CASP5: variants seen among roughly 807,000 people sequenced by gnomAD.
CASP5 encodes the protein caspase 5.
CASP5 carries 42 observed loss-of-function variants against 45.2 expected under a neutral mutation model. That is an observed-to-expected ratio of 0.93 (90% confidence interval 0.73 to 1.20). The LOEUF (loss-of-function observed/expected upper bound fraction) is 1.20, where lower values mean the gene tolerates loss of function less well. CASP5 is among the 50% of genes most tolerant of loss of function. The pLI is 0.00. For missense variants in CASP5, 512 were observed against 532.2 expected (o/e 0.96, Z 0.37); for synonymous variants, 209 against 186.2 (o/e 1.12, Z -1.00).
chr11:105,019,504 A>G (rs375199110), intron 1 of CASP5, among the ~76,000 whole-genome samples: 19,534 of 146,132 alleles, frequency 0.13, 1,567 homozygotes, highest in Admixed American at 0.21. Context: ...AATACAAACT[A>G]CCATCAGAGA....
Position 104,997,372 on chromosome 11 carries a change from TG to T in CASP5, c.1206+10del. 1 of 1,530,776 alleles carries T rather than the reference TG, an allele frequency of 6.5e-7. No individual in the cohort carries two copies. Among genetic ancestry groups the T allele is most frequent in the Non-Finnish European group, 9.1e-7 (1 of 1,104,438 alleles). 94.8% of individuals were successfully genotyped at this position (1,530,776 alleles called of 1,614,324 possible). The stretch of plus-strand genomic sequence containing the variant: ...ATAAGTAAATGACTAGAAAAGGAAA[TG>T]GAAGCTTACCTTCCGAAATATTTCC... On this transcript the variant is annotated intron_variant, in intron 8 of 9. Transcript: ENST00000260315.
intron 1 of CASP5, among the ~76,000 whole-genome samples, chr11:105,015,425 G>T (rs1157251078): frequency 6.6e-6 from 1 of 152,118 alleles, no homozygotes; most frequent in African/African-American, 2.4e-5. Context: ...TAATAAAAAC[G>T]AATGGAATAA....
intron 1 of CASP5, among the ~76,000 whole-genome samples, chr11:105,013,049 T>C (rs1862429491): frequency 6.6e-6 from 1 of 151,942 alleles, no homozygotes; most frequent in Non-Finnish European, 1.5e-5. Context: ...GATGAATGGA[T>C]GGAGAAAGTA....
At chr11:105,020,048 AC>A (rs1310322259) in intron 1 of CASP5, among the ~76,000 whole-genome samples, 1 of 145,748 alleles carries the variant, frequency 6.9e-6, no homozygotes, top group African/African-American at 2.5e-5. Flanking sequence ...AGAACCAAAG[AC>A]AAAAACCACG....
chr11:104,999,963 T>C (rs780212240), intron 6 of CASP5, among the ~76,000 whole-genome samples: 1 of 152,236 alleles, frequency 6.6e-6, no homozygotes, highest in South Asian at 2.1e-4. Flanking sequence ...CAAGCTATCA[T>C]GTAAATGATT....
At chr11:105,000,055 C>T (rs1422042185) in intron 6 of CASP5, among the ~76,000 whole-genome samples, 3 of 152,242 alleles carry the variant, frequency 2.0e-5, no homozygotes, top group Non-Finnish European at 4.4e-5. Flanking sequence ...TCACCACTAT[C>T]ACCGTGGATA....
At chr11:105,000,153 T>C (rs1462642204) in intron 6 of CASP5, 108 bp downstream of exon 6, 8 of 1,148,650 alleles carry the variant, frequency 7.0e-6, no homozygotes, top group Non-Finnish European at 1.0e-5. Flanking sequence ...CAATGTACTT[T>C]ATTTGCACTG....
At chr11:105,017,395 T>A (rs1862680086) in intron 1 of CASP5, among the ~76,000 whole-genome samples, 1 of 151,976 alleles carries the variant, frequency 6.6e-6, no homozygotes, top group South Asian at 2.1e-4. Context: ...GGCAAAGAAG[T>A]TGAAAACCTT....
intron 1 of CASP5, among the ~76,000 whole-genome samples, chr11:105,020,058 C>G (rs533299022): frequency 3.4e-5 from 5 of 145,550 alleles, no homozygotes; most frequent in Admixed American, 7.3e-5. Context: ...ACAAAAACCA[C>G]GTGATTATCT....
chr11:105,009,716 CACACATAT>C (rs1862177933), intron 1 of CASP5, among the ~76,000 whole-genome samples: 2 of 48,078 alleles, frequency 4.2e-5, no homozygotes, highest in Non-Finnish European at 7.5e-5. Flanking sequence ...TATATATATA[CACACATAT>C]ATATATATAT....
chr11:105,002,237 C>G (rs542958379), intron 4 of CASP5, 36 bp from the exon 5 acceptor site: 1 of 1,606,008 alleles, frequency 6.2e-7, no homozygotes, highest in East Asian at 2.2e-5. Flanking sequence ...TTTGATTACC[C>G]GAGTCTCTTT....
intron 1 of CASP5, among the ~76,000 whole-genome samples, chr11:105,012,515 A>C (rs1022631018): frequency 6.6e-6 from 1 of 151,952 alleles, no homozygotes; most frequent in Non-Finnish European, 1.5e-5. Flanking sequence ...AAATATTTGA[A>C]TCCATATGTC....
intron 1 of CASP5, among the ~76,000 whole-genome samples, chr11:105,010,391 G>A (rs939142476): frequency 1.8e-4 from 23 of 130,652 alleles, no homozygotes; most frequent in African/African-American, 6.5e-4. Flanking sequence ...TTATTATAAT[G>A]ATTTAATCAG....
At chr11:105,010,018 G>C (rs1862258579) in intron 1 of CASP5, among the ~76,000 whole-genome samples, 1 of 149,976 alleles carries the variant, frequency 6.7e-6, no homozygotes, top group East Asian at 1.9e-4. Context: ...ATGTGGAAAA[G>C]CCAGATATCT....
Position 105,000,424 on chromosome 11 carries a change from T to C in CASP5, c.789A>G (p.Val263=), listed in dbSNP as rs759124414. 3 of 1,614,152 alleles carry C rather than the reference T, an allele frequency of 1.9e-6. No homozygotes were observed. The highest frequency in any genetic ancestry group is 1.7e-5 in the Admixed American group (1 of 60,026). Residue 263 remains valine (V), a synonymous_variant, in exon 6 of 10, where the codon GTA becomes GTG. Coordinates refer to ENST00000260315, the MANE Select transcript of CASP5 (RefSeq NM_004347.5). ...CCTCTAGGATGCCATGAGACATGAG[T>C]ACCAAGAACGTGCTGTCAGAGGACT... The part of the protein sequence containing the change: ...EHKSSDSTFL[V]LMSHGILEGI...
chr11:104,996,109 C>T (rs1050652348), intron 8 of CASP5, among the ~76,000 whole-genome samples: 1 of 152,158 alleles, frequency 6.6e-6, no homozygotes, highest in South Asian at 2.1e-4. Context: ...TTTTGACCTA[C>T]GGATGTGGAA....
chr11:104,998,765 T>C (rs1222551351), intron 7 of CASP5, 120 bp downstream of exon 7: 1 of 939,416 alleles, frequency 1.1e-6, no homozygotes, highest in Non-Finnish European at 1.6e-6. Flanking sequence ...GCAAAATATA[T>C]AGAGAGCACA....
chr11:105,003,247 C>T (rs1366913537), intron 4 of CASP5, 27 bp downstream of exon 4: 1 of 1,287,568 alleles, frequency 7.8e-7, no homozygotes, highest in Non-Finnish European at 1.1e-6. Context: ...CTCTCTTCTT[C>T]CCCATTTCAT....
chr11:105,009,928 T>TACAC (rs111284189), intron 1 of CASP5, among the ~76,000 whole-genome samples: 36 of 138,462 alleles, frequency 2.6e-4, no homozygotes, highest in South Asian at 6.6e-4. Flanking sequence ...TATACACACA[T>TACAC]ACACACACAC....
Sources: gnomAD v4.1 joint callset for allele counts (sites outside exome capture counted in the v4.1 genomes callset) on GRCh38, gnomAD v4.1.1 for gene constraint, MANE v1.5 for transcripts, NCBI Gene and HGNC (gene_info 2026-07-23, HGNC 2026-07-21) for gene names.